ENPP1: variants seen among roughly 807,000 people sequenced by gnomAD.
ENPP1 encodes the protein ectonucleotide pyrophosphatase/phosphodiesterase family member 1.
A neutral mutation model predicts 122.8 loss-of-function variants in ENPP1; 73 were observed. The ratio of observed to expected loss-of-function variants is 0.59; its 90% CI spans 0.49 to 0.72. The LOEUF (loss-of-function observed/expected upper bound fraction) is 0.72, where lower values mean the gene tolerates loss of function less well. ENPP1 is among the 30% of genes least tolerant of loss of function. ENPP1 has a pLI of 0.00. For missense variants in ENPP1, 978 were observed against 1,128.1 expected, an observed-to-expected ratio of 0.87 and a Z score of 1.91; for synonymous variants, 367 against 391.6, an observed-to-expected ratio of 0.94 and a Z score of 0.74.
intron 8 of ENPP1, 84 bp from the exon 9 acceptor site, chr6:131,861,511 T>A: frequency 2.4e-6 from 2 of 847,220 alleles, no homozygotes; most frequent in Non-Finnish European, 4.1e-6. Flanking sequence ...TAGAGAGGAA[T>A]GCATTGGTGT....
At chr6:131,877,234 A>G in intron 18 of ENPP1, 73 bp downstream of exon 18, 12 of 1,399,310 alleles carry the variant, frequency 8.6e-6, no homozygotes, top group Non-Finnish European at 1.2e-5. Context: ...GTGCTGTAAA[A>G]ATACTTAATA....
intron 1 of ENPP1, among the ~76,000 whole-genome samples, chr6:131,825,522 A>G (rs927239186): frequency 5.2e-4 from 79 of 152,306 alleles, no homozygotes; most frequent in African/African-American, 1.6e-3. Flanking sequence ...TCACTTTCAT[A>G]TTGACAGTAC....
intron 6 of ENPP1, among the ~76,000 whole-genome samples, chr6:131,858,005 A>G (rs1781971240): frequency 6.6e-6 from 1 of 152,208 alleles, no homozygotes; most frequent in Non-Finnish European, 1.5e-5. Flanking sequence ...GATGGAAGGC[A>G]GTGAGATATA....
At chr6:131,826,105 A>G in intron 1 of ENPP1, 1 of 808,674 alleles carries the variant, frequency 1.2e-6, no homozygotes, top group East Asian at 2.4e-5. Flanking sequence ...TTCAGGAGGA[A>G]GTGTTTCCAG....
chr6:131,851,743 G>T (rs1220809801), intron 4 of ENPP1, among the ~76,000 whole-genome samples: 1 of 152,078 alleles, frequency 6.6e-6, no homozygotes, highest in African/African-American at 2.4e-5. Flanking sequence ...ATACTATTAT[G>T]ATGTCTTGTC....
At position 131,808,193 on chromosome 6, in the gene ENPP1, T is replaced by G; in HGVS notation, c.158T>G (p.Met53Arg). The G allele has an allele frequency of 6.7e-7, 1 of 1,500,538 alleles. No individual in the cohort carries two copies. Among genetic ancestry groups the G allele is most frequent in the Non-Finnish European group, 8.9e-7 (1 of 1,124,498 alleles). The allele number at this position is 1,500,538 out of a possible 1,614,324, so 93.0% of individuals were successfully genotyped here. The change falls in exon 1 of 25, where the codon ATG becomes AGG. Residue 53 changes from methionine (M) to arginine (R), a missense_variant. By Grantham distance (91) the Met-to-Arg change is moderately conservative. This residue lies in a region of ENPP1 where 330 missense variants were observed against 328.5 expected (regional missense o/e 1.00). Transcript: ENST00000647893. The part of the protein sequence containing the change: ...PQAAASLLAP[M>R]DVGEEPLEKA... Reference sequence around the variant, plus strand: ...GCGGCCGCGTCCTTGCTGGCCCCTATGGACGTGGGGGAGGAGCCGCTGGAG... The same window carrying G: ...GCGGCCGCGTCCTTGCTGGCCCCTAGGGACGTGGGGGAGGAGCCGCTGGAG...
chr6:131,811,513 C>A (rs79659520), intron 1 of ENPP1, among the ~76,000 whole-genome samples: 1 of 152,096 alleles, frequency 6.6e-6, no homozygotes, highest in East Asian at 1.9e-4. Flanking sequence ...TGAGTAGATG[C>A]TCCTATTAGC....
At chr6:131,873,187 A>C (rs1782185164) in intron 15 of ENPP1, 137 bp downstream of exon 15, 2 of 1,032,158 alleles carry the variant, frequency 1.9e-6, no homozygotes, top group Admixed American at 3.4e-5. Context: ...CAGGATTTCT[A>C]ATGTCGGCCT....
intron 1 of ENPP1, chr6:131,826,638 G>T: frequency 3.5e-6 from 3 of 860,372 alleles, no homozygotes; most frequent in South Asian, 3.0e-5. Context: ...TTTTCTTATT[G>T]ACCATCATTT....
chr6:131,829,446 G>C (rs1243369052), intron 1 of ENPP1, among the ~76,000 whole-genome samples: 1 of 152,140 alleles, frequency 6.6e-6, no homozygotes, highest in Non-Finnish European at 1.5e-5. Flanking sequence ...TAGAAAACAA[G>C]ATAACCCTCA....
At chr6:131,833,336 A>G (rs1781636409) in intron 1 of ENPP1, among the ~76,000 whole-genome samples, 1 of 151,366 alleles carries the variant, frequency 6.6e-6, no homozygotes, top group Admixed American at 6.6e-5. Flanking sequence ...TTTATTAGCT[A>G]TTTTCTTTAA....
chr6:131,886,719 T>C lies in ENPP1; in HGVS notation c.2602T>C (p.Cys868Arg). 1.9e-6 allele frequency: 3 copies of C among 1,612,420 alleles called. No individual in the cohort carries two copies. Among genetic ancestry groups the C allele is most frequent in the Non-Finnish European group, 2.5e-6 (3 of 1,179,578 alleles). The change falls in exon 24 of 25, where the codon TGT (cysteine) becomes CGT (arginine). Residue 868 changes from cysteine (C) to arginine (R), a missense_variant. Cys to Arg is a radical substitution (Grantham distance 180). Transcript: ENST00000647893. ...TCACAGGACTGATAACAGCGAGAGC[T>C]GTGTGGTAAGTAGCTTTTGTATATT... The part of the protein sequence containing the change: ...LPHRTDNSES[C>R]VHGKHDSSWV...
rs1269535390 is a variant in ENPP1 at position 131,877,093 on chromosome 6, C to T, written c.1825C>T (p.His609Tyr). The part of the protein sequence containing the change: ...VYTPKHPKEV[H>Y]PLVQCPFTRN... ...TACGCCAAAGCATCCCAAAGAAGTG[C>T]ACCCCCTGGTACAGTGCCCCTTCAC... The change falls in exon 18 of 25, where the codon CAC (histidine) becomes TAC (tyrosine). Residue 609 changes from histidine (H) to tyrosine (Y), a missense_variant. His to Tyr is a moderately conservative substitution (Grantham distance 83, BLOSUM62 2). Around this residue, in one of 3 missense-constraint regions of ENPP1, gnomAD observed 644 missense variants for 781.5 expected, o/e 0.82. Coordinates refer to ENST00000647893, the MANE Select transcript of ENPP1 (RefSeq NM_006208.3). 6.2e-7 allele frequency: 1 copy of T among 1,614,060 alleles called. No homozygotes were observed. Among genetic ancestry groups the T allele is most frequent in the Admixed American group, 1.7e-5 (1 of 60,002 alleles).
At chr6:131,861,758 T>C in intron 9 of ENPP1, 54 bp downstream of exon 9, 1 of 980,890 alleles carries the variant, frequency 1.0e-6, no homozygotes, top group Non-Finnish European at 1.6e-6. Context: ...CTTATTCTTA[T>C]GTAATCTCCT....
Position 131,868,107 on chromosome 6 carries a change from C to G in ENPP1, c.1254C>G (p.Leu418=), listed in dbSNP as rs932576931. The part of the protein sequence containing the change: ...KELNLHRCLN[L]ILISDHGMEQ... ...TGAACTTGCACAGATGCCTGAACCT[C>G]ATCCTTATTTCAGATCATGGTAATC... The change falls in exon 12 of 25, where the codon CTC becomes CTG. Residue 418 remains leucine, a synonymous_variant. Transcript: ENST00000647893. 1.9e-6 allele frequency: 3 copies of G among 1,611,428 alleles called. No homozygotes were observed. In the African/African-American group the frequency reaches 4.0e-5, roughly 22 times the overall value.
At chr6:131,845,105 C>A (rs967115461) in intron 1 of ENPP1, among the ~76,000 whole-genome samples, 13 of 120,468 alleles carry the variant, frequency 1.1e-4, no homozygotes, top group African/African-American at 3.8e-4. Flanking sequence ...GTCGCCCAGG[C>A]TGGAGTGCAG....
At position 131,869,467 on chromosome 6, in the gene ENPP1, T is replaced by C. The variant is rs758348985; in HGVS notation, c.1383T>C (p.Asp461=). ...YGPAARLRPS[D]VPDKYYSFNY... ...CTGCAGCTCGATTGAGACCCTCTGA[T>C]GTCCCAGATAAATACTATTCATGTA... Residue 461 remains aspartate (D), a synonymous_variant, in exon 13 of 25, where the codon GAT becomes GAC. Coordinates refer to ENST00000647893, the MANE Select transcript of ENPP1 (RefSeq NM_006208.3). 6.2e-7 allele frequency: 1 copy of C among 1,613,538 alleles called. No individual in the cohort carries two copies. The highest frequency in any genetic ancestry group is 8.5e-7 in the Non-Finnish European group (1 of 1,179,528).
chr6:131,876,961 T>C, intron 17 of ENPP1, 31 bp from the exon 18 acceptor site: 3 of 1,608,030 alleles, frequency 1.9e-6, no homozygotes, highest in Non-Finnish European at 2.6e-6. Flanking sequence ...TTGAAACATC[T>C]AAGTAACTCT....
intron 1 of ENPP1, chr6:131,826,636 T>C: frequency 1.2e-6 from 1 of 862,032 alleles, no homozygotes; most frequent in East Asian, 2.8e-5. Flanking sequence ...GCTTTTCTTA[T>C]TGACCATCAT....
Sources: allele counts gnomAD v4.1 joint callset (sites outside exome capture counted in the v4.1 genomes callset), GRCh38; gene constraint gnomAD v4.1.1; regional missense constraint gnomAD v4.1.1; transcripts MANE v1.5; gene names NCBI Gene and HGNC (gene_info 2026-07-23, HGNC 2026-07-21).